Variants in CAST observed in about 807,000 individuals in gnomAD.
CAST encodes MIR583 host.
CAST carries 76 observed loss-of-function variants against 119.6 expected under a neutral mutation model. That is an observed-to-expected ratio of 0.64 (90% CI 0.53 to 0.77). The LOEUF is 0.77. CAST is among the 30% of genes least tolerant of loss of function. The probability of loss-of-function intolerance (pLI) is 0.00; values close to 1 mark genes in which losing one functional copy is unlikely to be tolerated. For missense variants in CAST, 953 were observed against 946.5 expected, an observed-to-expected ratio of 1.01 and a Z score of -0.09; for synonymous variants, 319 against 331.6, an observed-to-expected ratio of 0.96 and a Z score of 0.41.
chr5:96,214,604 G>A, the CAST span, among the ~76,000 whole-genome samples: 1 of 152,170 alleles, frequency 6.6e-6, no homozygotes, highest in Non-Finnish European at 1.5e-5. Flanking sequence ...CACAGTTCTA[G>A]TCAAAGAATA....
chr5:96,344,745 G>A, the CAST span, among the ~76,000 whole-genome samples: 1 of 152,182 alleles, frequency 6.6e-6, no homozygotes, highest in African/African-American at 2.4e-5. Context: ...TACCTACCAG[G>A]TGGATGGCAG....
At chr5:96,665,731 C>CA (rs1749235916) in intron 1 of CAST, among the ~76,000 whole-genome samples, 1 of 151,096 alleles carries the variant, frequency 6.6e-6, no homozygotes, top group Admixed American at 6.6e-5. Flanking sequence ...TTATAACACA[C>CA]ACACACACAC....
At chr5:96,720,337 C>T (rs568496752) in intron 3 of CAST, among the ~76,000 whole-genome samples, 24 of 152,268 alleles carry the variant, frequency 1.6e-4, no homozygotes, top group Middle Eastern at 3.4e-3. Context: ...ATCAATGATA[C>T]GAAATTCAAA....
the CAST span, among the ~76,000 whole-genome samples, chr5:96,048,429 T>A: frequency 3.3e-5 from 5 of 152,260 alleles, no homozygotes; most frequent in East Asian, 9.7e-4. Context: ...TATGATAGAC[T>A]GAGGGGGCAG....
chr5:96,386,047 ATAT>A, the CAST span, among the ~76,000 whole-genome samples: 1 of 152,236 alleles, frequency 6.6e-6, no homozygotes, highest in Non-Finnish European at 1.5e-5. Context: ...AAGGACAATA[ATAT>A]TATTTATCTC....
At chr5:96,689,368 G>C (rs544611654) in intron 2 of CAST, among the ~76,000 whole-genome samples, 4 of 152,230 alleles carry the variant, frequency 2.6e-5, no homozygotes, top group African/African-American at 9.6e-5. Context: ...ATCTTTCATT[G>C]CCTTTTTCTG....
the CAST span, among the ~76,000 whole-genome samples, chr5:96,117,355 A>G: frequency 6.6e-6 from 1 of 152,180 alleles, no homozygotes; most frequent in Non-Finnish European, 1.5e-5. Flanking sequence ...CTTCTTGGTG[A>G]TGTACCACAT....
chr5:96,035,041 G>GTATATATATATATATATA, the CAST span, among the ~76,000 whole-genome samples: 3 of 107,962 alleles, frequency 2.8e-5, no homozygotes, highest in African/African-American at 1.0e-4. Context: ...TTGTATTTAA[G>GTATATATATATATATATA]TATATATATA....
chr5:96,373,172 T>G, the CAST span, among the ~76,000 whole-genome samples: 60 of 152,222 alleles, frequency 3.9e-4, 2 homozygotes, highest in Admixed American at 3.7e-3. Flanking sequence ...ATTACATGCC[T>G]TTTTTATTCT....
At chr5:96,758,401 C>T (rs1027933845) in intron 24 of CAST, among the ~76,000 whole-genome samples, 4 of 152,084 alleles carry the variant, frequency 2.6e-5, no homozygotes, top group Non-Finnish European at 5.9e-5. Context: ...ATTTTCATGG[C>T]TTTTTATATG....
chr5:96,119,724 A>G, the CAST span, among the ~76,000 whole-genome samples: 3 of 152,358 alleles, frequency 2.0e-5, no homozygotes, highest in East Asian at 5.8e-4. Flanking sequence ...TCATCTATGA[A>G]CCAGTTAAAA....
At chr5:96,443,621 G>C in the CAST span, among the ~76,000 whole-genome samples, 3 of 152,264 alleles carry the variant, frequency 2.0e-5, no homozygotes, top group African/African-American at 7.2e-5. Context: ...AGTGGTTATC[G>C]ATTATTGCTG....
Position 96,662,872 on chromosome 5 carries a change from C to G in CAST, c.75+375C>G, listed in dbSNP as rs116757900. ...CGGGATGTAGTCTTCCGCGCTAAGGCCGGGCCGCAGGGCGTGGCTGCCTGG... is the reference window on the plus strand; with the variant it reads ...CGGGATGTAGTCTTCCGCGCTAAGGGCGGGCCGCAGGGCGTGGCTGCCTGG... On this transcript the variant is annotated intron_variant, in intron 1 of 31. Transcript: ENST00000675179. 417 of 569,064 alleles carry G rather than the reference C, an allele frequency of 7.3e-4. No individual in the cohort carries two copies. The African/African-American group carries it at 7.8e-3, about 11-fold the overall frequency. The allele number at this position is 569,064 out of a possible 1,614,324, so 35.3% of individuals were successfully genotyped here.
At chr5:96,047,466 G>A in the CAST span, among the ~76,000 whole-genome samples, 1 of 152,106 alleles carries the variant, frequency 6.6e-6, no homozygotes, top group Non-Finnish European at 1.5e-5. Flanking sequence ...AAGCCCAATA[G>A]TTGTACTTCA....
the CAST span, among the ~76,000 whole-genome samples, chr5:96,363,874 A>G: frequency 9.9e-5 from 15 of 152,160 alleles, no homozygotes; most frequent in Non-Finnish European, 4.4e-5. Flanking sequence ...ATTATGTTGA[A>G]TAGGAGTGTT....
chr5:96,503,358 A>G, the CAST span, among the ~76,000 whole-genome samples: 1 of 152,156 alleles, frequency 6.6e-6, no homozygotes, highest in African/African-American at 2.4e-5. Flanking sequence ...GGTGGCCAGC[A>G]CAAATCCTCT....
the CAST span, among the ~76,000 whole-genome samples, chr5:95,976,200 G>A: frequency 2.6e-5 from 4 of 151,020 alleles, no homozygotes; most frequent in African/African-American, 7.3e-5. Flanking sequence ...CTAGTATTCC[G>A]TTGTTTCCAT....
chr5:96,284,135 G>C, the CAST span, among the ~76,000 whole-genome samples: 1 of 152,050 alleles, frequency 6.6e-6, no homozygotes, highest in African/African-American at 2.4e-5. Context: ...GAGGAAAAAA[G>C]GAAAGAAGGA....
At chr5:96,691,825 G>A (rs1411761627) in intron 2 of CAST, among the ~76,000 whole-genome samples, 1 of 152,204 alleles carries the variant, frequency 6.6e-6, no homozygotes, top group East Asian at 1.9e-4. Flanking sequence ...AGAATGTGGT[G>A]CCTTTCTTCA....
Sources: allele counts gnomAD v4.1 joint callset (sites outside exome capture counted in the v4.1 genomes callset), GRCh38; gene constraint gnomAD v4.1.1; transcripts MANE v1.5; gene names NCBI Gene and HGNC (gene_info 2026-07-23, HGNC 2026-07-21).